Variants in MEI4 observed in about 807,000 individuals in gnomAD.
MEI4 encodes meiosis-specific protein MEI4.
A neutral mutation model predicts 31.4 loss-of-function variants in MEI4; 27 were observed. The observed-to-expected ratio is 0.86, with a 90% CI of 0.63 to 1.19. The LOEUF is 1.19. Among genes scored for constraint, MEI4 ranks in the 50% most tolerant of loss-of-function variants. MEI4 has a pLI of 0.00. For missense variants in MEI4, 329 were observed against 398.9 expected (o/e 0.82, Z 1.49); for synonymous variants, 122 against 145.4 (o/e 0.84, Z 1.16).
At chr6:77,653,671 T>A (rs1195983782) in intron 1 of MEI4, among the ~76,000 whole-genome samples, 1 of 152,180 alleles carries the variant, frequency 6.6e-6, no homozygotes, top group Non-Finnish European at 1.5e-5. Context: ...TTCTATGATG[T>A]GGAAGAACTC....
intron 4 of MEI4, among the ~76,000 whole-genome samples, chr6:77,895,784 T>C (rs1164817014): frequency 6.6e-6 from 1 of 152,104 alleles, no homozygotes; most frequent in Non-Finnish European, 1.5e-5. Context: ...AGGAAGGGAC[T>C]AGAGCAATGC....
chr6:77,907,657 A>G (rs1581969254), intron 4 of MEI4, among the ~76,000 whole-genome samples: 2 of 152,252 alleles, frequency 1.3e-5, no homozygotes, highest in East Asian at 3.9e-4. Flanking sequence ...ATACCCAGTA[A>G]TGGGATGGCT....
chr6:77,679,212 T>C (rs922997371), intron 1 of MEI4, among the ~76,000 whole-genome samples: 4 of 152,214 alleles, frequency 2.6e-5, no homozygotes, highest in Non-Finnish European at 5.9e-5. Flanking sequence ...GACAGTAGTA[T>C]ACAGTAATGT....
chr6:77,785,138 C>T (rs16889411), intron 3 of MEI4, among the ~76,000 whole-genome samples: 42,764 of 152,006 alleles, frequency 0.28, 6,785 homozygotes, highest in South Asian at 0.39. Context: ...TATTGGAAAT[C>T]TATATGCCTT....
At chr6:77,855,011 G>A (rs534660442) in intron 4 of MEI4, among the ~76,000 whole-genome samples, 1 of 152,038 alleles carries the variant, frequency 6.6e-6, no homozygotes, top group African/African-American at 2.4e-5. Flanking sequence ...AGCCCTTCCT[G>A]TATGTAGAAA....
chr6:77,709,461 G>C (rs1477800107), intron 2 of MEI4, among the ~76,000 whole-genome samples: 3 of 152,012 alleles, frequency 2.0e-5, no homozygotes, highest in African/African-American at 7.3e-5. Flanking sequence ...TATTTTCATG[G>C]AGTAAGTTTT....
At chr6:77,695,282 T>C (rs2127653798) in intron 2 of MEI4, among the ~76,000 whole-genome samples, 1 of 152,218 alleles carries the variant, frequency 6.6e-6, no homozygotes, top group Non-Finnish European at 1.5e-5. Context: ...ATCCCATTTG[T>C]CAATTTTGGC....
chr6:77,734,917 A>T (rs1474163530), intron 2 of MEI4, among the ~76,000 whole-genome samples: 2 of 151,788 alleles, frequency 1.3e-5, no homozygotes, highest in Non-Finnish European at 2.9e-5. Context: ...TGGATATGAA[A>T]TTCTGGGTTG....
At chr6:77,778,525 G>A (rs914554070) in intron 3 of MEI4, among the ~76,000 whole-genome samples, 11 of 151,546 alleles carry the variant, frequency 7.3e-5, no homozygotes, top group African/African-American at 2.7e-4. Context: ...ACATGGAGAA[G>A]CCCTGTCTCT....
At chr6:77,770,802 AAAAC>A (rs1222944801) in intron 3 of MEI4, among the ~76,000 whole-genome samples, 5 of 152,152 alleles carry the variant, frequency 3.3e-5, no homozygotes, top group African/African-American at 4.8e-5. Flanking sequence ...ACCTAAATGT[AAAAC>A]AAACAAACAA....
chr6:77,694,084 TTC>T (rs1175267163), intron 2 of MEI4, among the ~76,000 whole-genome samples: 2 of 151,992 alleles, frequency 1.3e-5, no homozygotes, highest in Admixed American at 6.6e-5. Flanking sequence ...TGCTTTTTCT[TTC>T]TTTCTTTTTT....
intron 4 of MEI4, among the ~76,000 whole-genome samples, chr6:77,863,929 C>A (rs1406656228): frequency 6.6e-6 from 1 of 152,178 alleles, no homozygotes; most frequent in African/African-American, 2.4e-5. Flanking sequence ...CAATATTCAA[C>A]ATTCTTAAAG....
rs554063813 is a variant in MEI4 at position 77,735,685 on chromosome 6, G to A, written c.233-25445G>A. Among the ~76,000 whole-genome samples, 15 of 152,164 alleles carry A rather than the reference G, an allele frequency of 9.9e-5. No homozygotes were observed. The South Asian group carries it at 2.1e-3, about 21-fold the overall frequency. Reference sequence around the variant, plus strand: ...TGTTCCATTGCTGGTGAGGAGCTGCGTTCCTTTGGAGGAGGAGAGGTGCTC... The same window carrying A: ...TGTTCCATTGCTGGTGAGGAGCTGCATTCCTTTGGAGGAGGAGAGGTGCTC... On this transcript the variant is annotated intron_variant, in intron 2 of 4. Transcript: ENST00000684080.
intron 4 of MEI4, among the ~76,000 whole-genome samples, chr6:77,854,119 C>T (rs1770694759): frequency 1.3e-5 from 2 of 152,026 alleles, no homozygotes; most frequent in Admixed American, 6.6e-5. Flanking sequence ...CCAAAAGTAT[C>T]ATACTGAGTG....
At chr6:77,674,606 G>T (rs1298263804) in intron 1 of MEI4, among the ~76,000 whole-genome samples, 1 of 123,816 alleles carries the variant, frequency 8.1e-6, no homozygotes, top group Non-Finnish European at 1.7e-5. Context: ...GTACTATCCA[G>T]GTTCCTGTTA....
intron 3 of MEI4, among the ~76,000 whole-genome samples, chr6:77,813,428 A>G (rs1214664743): frequency 6.6e-6 from 1 of 151,704 alleles, no homozygotes; most frequent in African/African-American, 2.4e-5. Flanking sequence ...AAACAACTGT[A>G]TTTTTTCCCG....
chr6:77,738,933 G>C (rs897012192), intron 2 of MEI4, among the ~76,000 whole-genome samples: 10 of 152,100 alleles, frequency 6.6e-5, no homozygotes, highest in South Asian at 2.1e-4. Flanking sequence ...CTTTTTGATG[G>C]GGTTGTTTTT....
At chr6:77,669,548 T>C (rs1204646276) in intron 1 of MEI4, among the ~76,000 whole-genome samples, 2 of 151,938 alleles carry the variant, frequency 1.3e-5, no homozygotes, top group Admixed American at 6.6e-5. Flanking sequence ...TTGACTATGC[T>C]GTAAGACTTC....
At chr6:77,905,501 TTTTTTTTTTTTTTG>T (rs1766275600) in intron 4 of MEI4, among the ~76,000 whole-genome samples, 14 of 56,316 alleles carry the variant, frequency 2.5e-4, no homozygotes, top group Non-Finnish European at 3.6e-4. Context: ...TTTTTTTTTT[TTTTTTTTTTTTTTG>T]TGGCAGAGTC....
Sources: gnomAD v4.1 joint callset for allele counts (sites outside exome capture counted in the v4.1 genomes callset) on GRCh38, gnomAD v4.1.1 for gene constraint, MANE v1.5 for transcripts, NCBI Gene and HGNC (gene_info 2026-07-23, HGNC 2026-07-21) for gene names.